The following SNX29 variants were observed in gnomAD, a reference collection of about 807,000 sequenced individuals.
SNX29 encodes sorting nexin-29.
SNX29 carries 78 observed loss-of-function variants against 102.1 expected under a neutral mutation model. The ratio of observed to expected loss-of-function variants is 0.76; its 90% CI spans 0.64 to 0.92. The LOEUF (loss-of-function observed/expected upper bound fraction) is 0.92. Ranked by LOEUF, SNX29 falls within the 40% of genes least tolerant of loss-of-function variation. The pLI, the probability that SNX29 is intolerant of heterozygous loss-of-function variation, is 0.00. For missense variants in SNX29, 1,280 were observed against 1,061.7 expected, an observed-to-expected ratio of 1.21 and a Z score of -2.86; for synonymous variants, 580 against 414.5, an observed-to-expected ratio of 1.40 and a Z score of -4.85.
chr16:12,026,736 AT>A (rs1216703715), intron 3 of SNX29, among the ~76,000 whole-genome samples: 1 of 152,196 alleles, frequency 6.6e-6, no homozygotes, highest in Non-Finnish European at 1.5e-5. Flanking sequence ...TATTATTATT[AT>A]TTTTAGAGCA....
chr16:12,069,087 C>G lies in SNX29; in HGVS notation c.1274C>G (p.Thr425Arg), dbSNP rs151208037. 2.7e-4 allele frequency: 430 copies of G among 1,613,872 alleles called. No homozygotes were observed. Among genetic ancestry groups the G allele is most frequent in the Middle Eastern group, 1.3e-3 (8 of 6,062 alleles). The part of the protein sequence containing the change: ...DAPLGSLENG[T>R]GPEDHVLPDP... Reference sequence around the variant, plus strand: ...CCCCTCGGAAGCCTGGAGAACGGGACAGGACCAGAGGACCACGTTCTCCCA... The same window carrying G: ...CCCCTCGGAAGCCTGGAGAACGGGAGAGGACCAGAGGACCACGTTCTCCCA... Residue 425 changes from threonine (T) to arginine (R), a missense_variant, in exon 10 of 21, where the codon ACA becomes AGA. Physicochemically the swap from Thr to Arg is moderately conservative, Grantham distance 71. Transcript: ENST00000566228.
At position 12,339,069 on chromosome 16, in the gene SNX29, G is replaced by A. The variant is rs559789741; in HGVS notation, c.1783-17094G>A. 3.3e-5 allele frequency among the ~76,000 whole-genome samples: 5 copies of A among 152,260 alleles called. No homozygotes were observed. The East Asian group carries it at 9.6e-4, about 29-fold the overall frequency. On this transcript the variant is annotated intron_variant, in intron 15 of 20. Coordinates refer to ENST00000566228, the MANE Select transcript of SNX29 (RefSeq NM_032167.5). Reference sequence around the variant, plus strand: ...GAAAGAGACCTGCGCCATCATGACTGTTTCATAATAAGTGGCAGCCGGGCA... The same window carrying A: ...GAAAGAGACCTGCGCCATCATGACTATTTCATAATAAGTGGCAGCCGGGCA...
chr16:12,543,748 G>C (rs1270060986), intron 20 of SNX29, among the ~76,000 whole-genome samples: 3 of 152,188 alleles, frequency 2.0e-5, no homozygotes, highest in Non-Finnish European at 4.4e-5. Context: ...GAGTTGACTG[G>C]GGGAGATTTT....
intron 13 of SNX29, among the ~76,000 whole-genome samples, chr16:12,165,479 C>G (rs1488095305): frequency 6.6e-6 from 1 of 152,234 alleles, no homozygotes; most frequent in Non-Finnish European, 1.5e-5. Context: ...TAGTTTGAGT[C>G]TGTATCAGCT....
At chr16:12,382,636 T>G (rs955380929) in intron 16 of SNX29, among the ~76,000 whole-genome samples, 10 of 152,242 alleles carry the variant, frequency 6.6e-5, no homozygotes, top group African/African-American at 2.4e-4. Context: ...ACGTGCTGGC[T>G]TAAAACAACA....
intron 18 of SNX29, among the ~76,000 whole-genome samples, chr16:12,474,483 G>T (rs1163176242): frequency 6.6e-6 from 1 of 152,164 alleles, no homozygotes; most frequent in African/African-American, 2.4e-5. Flanking sequence ...GGCGTGGGCA[G>T]GAGAGGAGGT....
chr16:12,455,814 G>A (rs2151733430), intron 18 of SNX29, among the ~76,000 whole-genome samples: 1 of 152,272 alleles, frequency 6.6e-6, no homozygotes, highest in Non-Finnish European at 1.5e-5. Flanking sequence ...GCCCGGTATG[G>A]AGGGTAAGCC....
intron 18 of SNX29, among the ~76,000 whole-genome samples, chr16:12,450,585 C>T (rs747175237): frequency 2.0e-5 from 3 of 152,166 alleles, no homozygotes; most frequent in Non-Finnish European, 2.9e-5. Flanking sequence ...CCAGCACACA[C>T]GGTGTGAGAG....
chr16:12,258,109 G>A (rs2078627946), intron 14 of SNX29, among the ~76,000 whole-genome samples: 2 of 152,190 alleles, frequency 1.3e-5, no homozygotes, highest in African/African-American at 4.8e-5. Flanking sequence ...AGCCAGAGTG[G>A]TTTAGCAATC....
intron 18 of SNX29, among the ~76,000 whole-genome samples, chr16:12,417,533 TC>T (rs1481541195): frequency 6.6e-6 from 1 of 152,108 alleles, no homozygotes; most frequent in Non-Finnish European, 1.5e-5. Context: ...TCTACATCCC[TC>T]CCCTGGTCTT....
chr16:12,540,581 C>T (rs574090701), intron 20 of SNX29, among the ~76,000 whole-genome samples: 2 of 152,290 alleles, frequency 1.3e-5, no homozygotes, highest in South Asian at 2.1e-4. Context: ...TGCTTCCCAG[C>T]AATTACTCTG....
rs556745561 is a variant in SNX29, at chr16:12,571,538, G to A, written c.*2909G>A. ...CCTTGGATTCCTGGGACCACCCTTT[G>A]CTGGGAGGAAGAATCCACACCGAAT... On this transcript the variant is annotated 3_prime_UTR_variant, in exon 21 of 21. Transcript: ENST00000566228. 4.4e-6 allele frequency: 4 copies of A among 912,232 alleles called. No homozygotes were observed. The highest frequency in any genetic ancestry group is 1.1e-4 in the Admixed American group (2 of 18,490). 56.5% of individuals were successfully genotyped at this position (912,232 alleles called of 1,614,324 possible). A position where few individuals can be genotyped will look rare whatever the true frequency, so the allele number is the denominator to read the frequency against.
In SNX29 at chr16:12,278,039, A is replaced by G. The variant is rs2079310706; in HGVS notation, c.1782+3A>G. On this transcript the variant is annotated splice_donor_region_variant and intron_variant, in intron 15 of 20. Transcript: ENST00000566228. ...CCTACGAAAGAAAGCTCATCGAGGT[A>G]AGGCCGGTGGAGTCTGTGTGTCTTT... 2.5e-6 allele frequency: 4 copies of G among 1,592,472 alleles called. No individual in the cohort carries two copies. Among genetic ancestry groups the G allele is most frequent in the Non-Finnish European group, 3.4e-6 (4 of 1,169,258 alleles).
chr16:12,446,073 T>G (rs2086038026), intron 18 of SNX29, among the ~76,000 whole-genome samples: 1 of 88,206 alleles, frequency 1.1e-5, no homozygotes, highest in Non-Finnish European at 2.1e-5. Context: ...TTTTTTTTTT[T>G]GAGACAGAGC....
intron 4 of SNX29, among the ~76,000 whole-genome samples, chr16:12,030,163 C>G (rs1482118482): frequency 2.0e-5 from 3 of 152,226 alleles, no homozygotes; most frequent in Admixed American, 2.0e-4. Flanking sequence ...TGGCATATCA[C>G]TTCCATACCC....
intron 8 of SNX29, among the ~76,000 whole-genome samples, chr16:12,057,024 G>T (rs1255079958): frequency 6.6e-6 from 1 of 152,072 alleles, no homozygotes; most frequent in Admixed American, 6.6e-5. Flanking sequence ...GCATTGCTCA[G>T]GTTGGTCTTG....
At chr16:12,361,980 CCTATACATGTTAATAACGAGCACAT>C (rs2082313734) in intron 16 of SNX29, among the ~76,000 whole-genome samples, 7 of 152,046 alleles carry the variant, frequency 4.6e-5, no homozygotes, top group Admixed American at 6.5e-5. Context: ...CGAGCACATG[CCTATACATGTTAATAACGAGCACAT>C]GCCTATACAT....
chr16:12,014,369 G>C (rs1177462134), intron 3 of SNX29, among the ~76,000 whole-genome samples: 6 of 152,054 alleles, frequency 3.9e-5, no homozygotes. Context: ...GGCAGCATTT[G>C]CATCTAGACC....
chr16:12,064,689 G>C (rs1010817667), intron 9 of SNX29, among the ~76,000 whole-genome samples: 3 of 152,230 alleles, frequency 2.0e-5, no homozygotes, highest in Non-Finnish European at 4.4e-5. Context: ...ACGCCAGGTT[G>C]CATCAAGTCC....
Sources: gnomAD v4.1 joint callset for allele counts (sites outside exome capture counted in the v4.1 genomes callset) on GRCh38, gnomAD v4.1.1 for gene constraint, MANE v1.5 for transcripts, NCBI Gene and HGNC (gene_info 2026-07-23, HGNC 2026-07-21) for gene names.